Variants in AK7 observed in about 807,000 individuals in gnomAD.
AK7 encodes the protein adenylate kinase 7, also known as ATP-AMP transphosphorylase 7.
AK7 carries 78 observed loss-of-function variants against 96.6 expected under a neutral mutation model. That is an observed-to-expected ratio of 0.81 (90% CI 0.67 to 0.97). The LOEUF is 0.97. Ranked by LOEUF, AK7 falls within the 50% of genes least tolerant of loss-of-function variation. The pLI, the probability that AK7 is intolerant of heterozygous loss-of-function variation, is 0.00. For missense variants in AK7, 855 were observed against 887.9 expected, an observed-to-expected ratio of 0.96 and a Z score of 0.47; for synonymous variants, 302 against 317.2, an observed-to-expected ratio of 0.95 and a Z score of 0.51.
chr14:96,425,892 A>G (rs1387140720), intron 5 of AK7, among the ~76,000 whole-genome samples: 1 of 152,014 alleles, frequency 6.6e-6, no homozygotes, highest in East Asian at 1.9e-4. Flanking sequence ...TTTTCAGTCT[A>G]TGTGTGTCTT....
intron 4 of AK7, among the ~76,000 whole-genome samples, chr14:96,409,326 C>G (rs1050491154): frequency 1.3e-5 from 2 of 152,204 alleles, no homozygotes; most frequent in African/African-American, 2.4e-5. Flanking sequence ...TAACCCGGCA[C>G]TTTGGGAGGC....
At position 96,471,488 on chromosome 14, in the gene AK7, C is replaced by T. The variant is rs114404171; in HGVS notation, c.1368C>T (p.Asp456=). 567 of 1,450,098 alleles carry T rather than the reference C, an allele frequency of 3.9e-4. 3 individuals carry two copies. In the African/African-American group the frequency reaches 5.8e-3, roughly 15 times the overall value. The allele number at this position is 1,450,098 out of a possible 1,614,324, so 89.8% of individuals were successfully genotyped here. The change falls in exon 13 of 18, where the codon GAC becomes GAT. Residue 456 remains aspartate (D), a synonymous_variant. Transcript: ENST00000267584. ...ESMEQNAGQL[D]DQYIIRFMKE... ...ATGTTTTTTTATCAGGTCAACTAGA[C>T]GATCAATATATAATTAGATTTATGA...
intron 8 of AK7, among the ~76,000 whole-genome samples, chr14:96,448,323 G>T (rs1893363909): frequency 6.6e-6 from 1 of 151,850 alleles, no homozygotes; most frequent in African/African-American, 2.4e-5. Context: ...AGTTCCAGAG[G>T]CTGGGAAGTG....
chr14:96,462,330 C>T (rs1430555291), intron 12 of AK7, among the ~76,000 whole-genome samples: 1 of 152,180 alleles, frequency 6.6e-6, no homozygotes, highest in Non-Finnish European at 1.5e-5. Context: ...AAAATCCCTC[C>T]TATCCGTATT....
At chr14:96,474,386 A>T (rs1895062070) in intron 14 of AK7, among the ~76,000 whole-genome samples, 1 of 150,370 alleles carries the variant, frequency 6.7e-6, no homozygotes, top group South Asian at 2.1e-4. Flanking sequence ...AGGTGGGAGG[A>T]TCTCTTGAGC....
At chr14:96,465,565 GTTTGT>G (rs1203700020) in intron 12 of AK7, among the ~76,000 whole-genome samples, 1 of 151,968 alleles carries the variant, frequency 6.6e-6, no homozygotes, top group African/African-American at 2.4e-5. Context: ...GTTTCTTTTT[GTTTGT>G]TTTATCAATA....
chr14:96,433,345 A>C (rs1182107730), intron 5 of AK7, among the ~76,000 whole-genome samples: 2 of 152,074 alleles, frequency 1.3e-5, no homozygotes, highest in Non-Finnish European at 1.5e-5. Context: ...ATAGTCCAAT[A>C]TTTCTTGGAG....
At chr14:96,423,951 C>T in intron 5 of AK7, 1 of 1,050,104 alleles carries the variant, frequency 9.5e-7, no homozygotes, top group Non-Finnish European at 1.5e-6. Context: ...TCATGTGGAC[C>T]ACCAGGAAAT....
intron 1 of AK7, among the ~76,000 whole-genome samples, chr14:96,394,885 A>G: frequency 6.6e-6 from 1 of 152,214 alleles, no homozygotes; most frequent in East Asian, 1.9e-4. Context: ...CCGAGGCAGG[A>G]GAATCATTTG....
chr14:96,485,896 C>T (rs1230571879), intron 16 of AK7, among the ~76,000 whole-genome samples: 2 of 151,440 alleles, frequency 1.3e-5, no homozygotes, highest in Admixed American at 6.6e-5. Flanking sequence ...CCCCGGTTCA[C>T]GCCATTCTCC....
At chr14:96,438,500 G>A (rs1811764515) in intron 6 of AK7, among the ~76,000 whole-genome samples, 1 of 152,208 alleles carries the variant, frequency 6.6e-6, no homozygotes, top group African/African-American at 2.4e-5. Flanking sequence ...ATCCCAGACA[G>A]TGAGAATTGT....
At chr14:96,433,622 C>T (rs2140073168) in intron 5 of AK7, among the ~76,000 whole-genome samples, 1 of 152,258 alleles carries the variant, frequency 6.6e-6, no homozygotes, top group East Asian at 1.9e-4. Flanking sequence ...CGAACATCCT[C>T]CTTTAGCTCG....
At chr14:96,432,892 G>A (rs935415231) in intron 5 of AK7, among the ~76,000 whole-genome samples, 1 of 151,992 alleles carries the variant, frequency 6.6e-6, no homozygotes, top group African/African-American at 2.4e-5. Flanking sequence ...TACTCGGGAG[G>A]CTGAGGCAGG....
chr14:96,479,001 C>T (rs139122646), intron 15 of AK7, among the ~76,000 whole-genome samples: 3,214 of 151,942 alleles, frequency 0.021, 59 homozygotes, highest in Non-Finnish European at 0.032. Flanking sequence ...CTCTGCTTCC[C>T]GGGTTCAAGC....
chr14:96,445,713 A>G (rs1424563472), intron 7 of AK7, among the ~76,000 whole-genome samples: 1 of 152,204 alleles, frequency 6.6e-6, no homozygotes, highest in African/African-American at 2.4e-5. Flanking sequence ...AAATGAATAC[A>G]AAATAAATGT....
At chr14:96,439,915 A>G (rs943155303) in intron 6 of AK7, among the ~76,000 whole-genome samples, 3 of 152,188 alleles carry the variant, frequency 2.0e-5, no homozygotes, top group Non-Finnish European at 4.4e-5. Flanking sequence ...GAGTTAAAGG[A>G]TAAAGTGTAG....
At chr14:96,472,457 T>C (rs973694603) in intron 13 of AK7, among the ~76,000 whole-genome samples, 20 of 152,206 alleles carry the variant, frequency 1.3e-4, no homozygotes, top group African/African-American at 4.6e-4. Context: ...GCCCAGCCAT[T>C]TCCTTCTTTT....
intron 1 of AK7, 71 bp from the exon 2 acceptor site, chr14:96,398,004 A>T: frequency 6.7e-7 from 1 of 1,496,272 alleles, no homozygotes; most frequent in Non-Finnish European, 9.1e-7. Context: ...GTAAGTTTCT[A>T]GAATCATCAT....
intron 7 of AK7, among the ~76,000 whole-genome samples, chr14:96,444,229 C>G (rs557189694): frequency 2.0e-5 from 3 of 152,238 alleles, no homozygotes; most frequent in African/African-American, 7.2e-5. Flanking sequence ...CTGCTCCATC[C>G]CTGGGGATGG....
Sources: gnomAD v4.1 joint callset for allele counts (sites outside exome capture counted in the v4.1 genomes callset) on GRCh38, gnomAD v4.1.1 for gene constraint, MANE v1.5 for transcripts, NCBI Gene and HGNC (gene_info 2026-07-23, HGNC 2026-07-21) for gene names.